Variants in MRPS5 observed in about 807,000 individuals in gnomAD.
MRPS5 encodes the protein mitochondrial ribosomal protein S5, also known as small ribosomal subunit protein uS5m.
MRPS5 carries 27 observed loss-of-function variants against 51.9 expected under a neutral mutation model. The observed-to-expected ratio is 0.52, with a 90% CI of 0.38 to 0.72. The LOEUF is 0.72. Ranked by LOEUF, MRPS5 falls within the 30% of genes least tolerant of loss-of-function variation. The pLI is 0.00. For synonymous variants in MRPS5, 196 were observed against 193.2 expected, an observed-to-expected ratio of 1.01 and a Z score of -0.12; for missense variants, 570 against 545.7, an observed-to-expected ratio of 1.04 and a Z score of -0.44.
At chr2:95,115,460 C>CCGCAGTTTCAGCACTGCATT (rs1480244056) in intron 2 of MRPS5, among the ~76,000 whole-genome samples, 3 of 152,170 alleles carry the variant, frequency 2.0e-5, no homozygotes, top group Non-Finnish European at 4.4e-5. Context: ...TTTGTCCATA[C>CCGCAGTTTCAGCACTGCATT]CGCAGTTTCA....
In MRPS5 at chr2:95,087,353, G is replaced by A. The variant is rs1455157897; in HGVS notation, c.*4C>T. On this transcript the variant is annotated 3_prime_UTR_variant, in exon 12 of 12. Transcript: ENST00000272418. ...CAGGAACTGGCTGCACAAGGCCAGA[G>A]AGGTTACGTGGCGGCTCTCTTCAAA... 6.2e-7 allele frequency: 1 copy of A among 1,613,668 alleles called. No homozygotes were observed. The highest frequency in any genetic ancestry group is 8.5e-7 in the Non-Finnish European group (1 of 1,179,584).
chr2:95,089,296 T>G (rs1675389386), intron 11 of MRPS5, among the ~76,000 whole-genome samples: 1 of 152,194 alleles, frequency 6.6e-6, no homozygotes, highest in Non-Finnish European at 1.5e-5. Context: ...CAGAGACATG[T>G]AAAATTACTC....
chr2:95,119,440 T>C (rs1676378402), intron 1 of MRPS5, among the ~76,000 whole-genome samples: 1 of 151,764 alleles, frequency 6.6e-6, no homozygotes. Context: ...CGAGACCCTG[T>C]CTCTACAAAT....
At chr2:95,088,878 C>A (rs1032270834) in intron 11 of MRPS5, among the ~76,000 whole-genome samples, 2 of 152,192 alleles carry the variant, frequency 1.3e-5, no homozygotes, top group African/African-American at 2.4e-5. Flanking sequence ...ACCAGCCTGA[C>A]CAACATGGTG....
chr2:95,121,756 G>A lies in MRPS5; in HGVS notation c.36C>T (p.Pro12=), dbSNP rs148536948. 0.01 allele frequency: 15,667 copies of A among 1,553,878 alleles called. 128 individuals are homozygous for A. The highest frequency in any genetic ancestry group is 0.04 in the Middle Eastern group (212 of 5,328). The change falls in exon 1 of 12, where the codon CCC becomes CCT. Residue 12 remains proline (P), a synonymous_variant. Coordinates refer to ENST00000272418, the MANE Select transcript of MRPS5 (RefSeq NM_031902.5). ...CACCTGCCGTCCCGCTACACAGCAC[G>A]GGGAGGCAGCCCACAGCGCGCACCG... ...ATAVRAVGCL[P]VLCSGTAGHL...
At chr2:95,117,323 T>G (rs990319970) in intron 2 of MRPS5, among the ~76,000 whole-genome samples, 8 of 151,802 alleles carry the variant, frequency 5.3e-5, no homozygotes, top group Non-Finnish European at 8.8e-5. Context: ...GTCTGACCAA[T>G]CTATTGCAGC....
At chr2:95,106,823 A>C (rs1573341368) in intron 5 of MRPS5, 1 of 300,062 alleles carries the variant, frequency 3.3e-6, no homozygotes, top group Non-Finnish European at 6.4e-6. Flanking sequence ...GATGCCCTCA[A>C]CCCCTTCACC....
intron 10 of MRPS5, among the ~76,000 whole-genome samples, chr2:95,093,965 C>A (rs1205026535): frequency 2.0e-5 from 3 of 152,168 alleles, no homozygotes; most frequent in African/African-American, 7.2e-5. Flanking sequence ...CAAACCCCAT[C>A]ACAAGGAAGC....
intron 7 of MRPS5, 135 bp from the exon 8 acceptor site, chr2:95,101,858 C>CA: frequency 1.6e-6 from 1 of 630,930 alleles, no homozygotes. Flanking sequence ...ACTTGCTATA[C>CA]AAAACCATTA....
intron 4 of MRPS5, among the ~76,000 whole-genome samples, chr2:95,109,062 A>T (rs1168085831): frequency 6.6e-6 from 1 of 152,114 alleles, no homozygotes; most frequent in African/African-American, 2.4e-5. Context: ...ATATGAGGCC[A>T]GTGGTTTCCT....
chr2:95,094,193 G>GT (rs1246047687), intron 10 of MRPS5, among the ~76,000 whole-genome samples: 4 of 152,012 alleles, frequency 2.6e-5, no homozygotes, highest in African/African-American at 9.7e-5. Flanking sequence ...AGAAAAAAGA[G>GT]TAAAAAAACG....
At chr2:95,090,726 A>G (rs1299211387) in intron 10 of MRPS5, 5 of 548,146 alleles carry the variant, frequency 9.1e-6, no homozygotes, top group Admixed American at 3.1e-5. Context: ...ACAAGGATTA[A>G]GAAGATGACA....
intron 10 of MRPS5, among the ~76,000 whole-genome samples, chr2:95,097,739 A>C (rs1317793232): frequency 1.3e-5 from 2 of 152,256 alleles, no homozygotes; most frequent in East Asian, 3.8e-4. Flanking sequence ...TAAAACCATA[A>C]AAACCCTAGA....
chr2:95,108,484 T>G (rs1676017326), intron 4 of MRPS5, 76 bp from the exon 5 acceptor site: 2 of 1,180,932 alleles, frequency 1.7e-6, no homozygotes, highest in South Asian at 1.4e-5. Flanking sequence ...AGGCAATGCA[T>G]GTACAGATAA....
intron 10 of MRPS5, among the ~76,000 whole-genome samples, chr2:95,099,669 T>C (rs112941402): frequency 6.6e-6 from 1 of 152,274 alleles, no homozygotes; most frequent in Non-Finnish European, 1.5e-5. Context: ...ACAAAACACA[T>C]GGTTTTTATC....
At chr2:95,119,976 T>C (rs2104434319) in intron 1 of MRPS5, among the ~76,000 whole-genome samples, 1 of 152,182 alleles carries the variant, frequency 6.6e-6, no homozygotes, top group East Asian at 1.9e-4. Context: ...GGTGGGAGGA[T>C]GGATTAAGCC....
In MRPS5 at chr2:95,088,520, T is replaced by C. The variant is rs145012855; in HGVS notation, c.1069-939A>G. ...AGGCCTTATGGCTGCCTTGCACTATTCTAATTATATATCTAATGCCCTGCA... is the reference window on the plus strand; with the variant it reads ...AGGCCTTATGGCTGCCTTGCACTATCCTAATTATATATCTAATGCCCTGCA... On this transcript the variant is annotated intron_variant, in intron 11 of 11. Transcript: ENST00000272418. Among the ~76,000 whole-genome samples the C allele has an allele frequency of 3.3e-5, 5 of 152,352 alleles. No homozygotes were observed. In the East Asian group the frequency reaches 9.6e-4, roughly 29 times the overall value.
chr2:95,111,800 TG>T (rs1435141194), intron 3 of MRPS5, among the ~76,000 whole-genome samples: 1 of 152,236 alleles, frequency 6.6e-6, no homozygotes, highest in African/African-American at 2.4e-5. Context: ...ATTTGTATCC[TG>T]TTTTTTTTAA....
rs1451799532 is a variant in MRPS5, at chr2:95,108,413, AGGTT to A, written c.404-9_404-6del. ...GCCATAGAAAACCATAACGCCCTGA[AGGTT>A]TAAAAATATAAATAATAATTTTGTT... is the stretch of plus-strand genomic sequence containing the variant. On this transcript the variant is annotated splice_region_variant and splice_polypyrimidine_tract_variant and intron_variant, in intron 4 of 11. Coordinates refer to ENST00000272418, the MANE Select transcript of MRPS5 (RefSeq NM_031902.5). 9.4e-6 allele frequency: 15 copies of A among 1,601,932 alleles called. No individual in the cohort carries two copies. The Admixed American group carries it at 2.5e-4, about 27-fold the overall frequency.
Sources: allele counts gnomAD v4.1 joint callset (sites outside exome capture counted in the v4.1 genomes callset), GRCh38; gene constraint gnomAD v4.1.1; transcripts MANE v1.5; gene names NCBI Gene and HGNC (gene_info 2026-07-23, HGNC 2026-07-21).